The following GPC6 variants were observed in gnomAD, a reference collection of about 807,000 sequenced individuals.
GPC6 encodes the protein glypican-6.
Under a neutral mutation model 55.2 loss-of-function variants are expected in GPC6, and 14 were observed. That is an observed-to-expected ratio of 0.25 (90% CI 0.17 to 0.40). The LOEUF (loss-of-function observed/expected upper bound fraction) is 0.40, where lower values mean the gene tolerates loss of function less well. Ranked by LOEUF, GPC6 falls within the 10% of genes least tolerant of loss-of-function variation. GPC6 has a pLI of 1.00. For synonymous variants in GPC6, 278 were observed against 259.6 expected (o/e 1.07, Z -0.68); for missense variants, 641 against 708.5 (o/e 0.90, Z 1.08).
Position 93,266,547 on chromosome 13 carries a change from T to C in GPC6, c.160+38931T>C, listed in dbSNP as rs1877331588. Among the ~76,000 whole-genome samples the C allele has an allele frequency of 3.3e-5, 5 of 152,220 alleles. 1 individual carries two copies. In the South Asian group the frequency reaches 8.3e-4, roughly 25 times the overall value. On this transcript the variant is annotated intron_variant, in intron 1 of 8. Coordinates refer to ENST00000377047, the MANE Select transcript of GPC6 (RefSeq NM_005708.5). The stretch of plus-strand genomic sequence containing the variant: ...GGAATAAATACTGTTAGGATTCATA[T>C]GGCCAATATTTAATTGCCTCCATAC...
At chr13:94,152,070 C>T (rs1314583831) in intron 4 of GPC6, among the ~76,000 whole-genome samples, 1 of 151,952 alleles carries the variant, frequency 6.6e-6, no homozygotes, top group Non-Finnish European at 1.5e-5. Context: ...TTGGGTGACC[C>T]AAGGTTCTAA....
At chr13:93,996,511 G>A (rs1408107170) in intron 3 of GPC6, among the ~76,000 whole-genome samples, 2 of 151,986 alleles carry the variant, frequency 1.3e-5, no homozygotes, top group Non-Finnish European at 2.9e-5. Flanking sequence ...TGCATGGACC[G>A]GGGAGAATAT....
chr13:93,961,113 C>A (rs1879756097), intron 3 of GPC6, among the ~76,000 whole-genome samples: 1 of 152,124 alleles, frequency 6.6e-6, no homozygotes, highest in African/African-American at 2.4e-5. Flanking sequence ...CGCACTTGGC[C>A]TATTGCTGGA....
intron 1 of GPC6, among the ~76,000 whole-genome samples, chr13:93,415,346 C>T (rs1166929196): frequency 6.6e-6 from 1 of 152,096 alleles, no homozygotes; most frequent in Non-Finnish European, 1.5e-5. Context: ...AAACTTTCTT[C>T]CTTCTTAATG....
intron 4 of GPC6, among the ~76,000 whole-genome samples, chr13:94,168,625 TTTA>T (rs1157174602): frequency 2.7e-5 from 4 of 149,444 alleles, no homozygotes; most frequent in Non-Finnish European, 5.9e-5. Flanking sequence ...AGTATATATA[TTTA>T]TTATATTTTA....
chr13:93,344,519 G>T (rs74755019), intron 1 of GPC6, among the ~76,000 whole-genome samples: 1 of 152,034 alleles, frequency 6.6e-6, no homozygotes, highest in East Asian at 1.9e-4. Context: ...AGGCTACATC[G>T]TTTCTGAGCC....
intron 4 of GPC6, among the ~76,000 whole-genome samples, chr13:94,214,262 C>G (rs1890165717): frequency 6.6e-6 from 1 of 152,314 alleles, no homozygotes; most frequent in African/African-American, 2.4e-5. Context: ...TACAGTTGTA[C>G]TGACTCTCTC....
intron 2 of GPC6, among the ~76,000 whole-genome samples, chr13:93,807,343 G>T (rs1346705270): frequency 6.6e-6 from 1 of 152,208 alleles, no homozygotes; most frequent in African/African-American, 2.4e-5. Flanking sequence ...TCTTTTGGGT[G>T]TTAGAAAATT....
chr13:93,325,765 G>T (rs943188343), intron 1 of GPC6, among the ~76,000 whole-genome samples: 1 of 152,072 alleles, frequency 6.6e-6, no homozygotes, highest in Admixed American at 6.6e-5. Context: ...GAGGGTGTGG[G>T]TGGGAGTGGA....
At chr13:94,168,930 A>T (rs1888464814) in intron 4 of GPC6, among the ~76,000 whole-genome samples, 1 of 152,112 alleles carries the variant, frequency 6.6e-6, no homozygotes, top group South Asian at 2.1e-4. Context: ...AAAATAATGC[A>T]AAGTTAATGC....
At chr13:93,560,214 G>GA (rs1175693959) in intron 2 of GPC6, among the ~76,000 whole-genome samples, 1 of 151,808 alleles carries the variant, frequency 6.6e-6, no homozygotes, top group Non-Finnish European at 1.5e-5. Context: ...TTTAAAAAAG[G>GA]AAAAAAATAA....
At chr13:93,490,059 A>T (rs1469951201) in intron 1 of GPC6, among the ~76,000 whole-genome samples, 2 of 151,266 alleles carry the variant, frequency 1.3e-5, no homozygotes, top group Non-Finnish European at 2.9e-5. Context: ...TTTCAAAGGG[A>T]ATGCTTCCAG....
chr13:94,142,594 T>C (rs1264892425), intron 4 of GPC6, among the ~76,000 whole-genome samples: 1 of 152,182 alleles, frequency 6.6e-6, no homozygotes, highest in Non-Finnish European at 1.5e-5. Flanking sequence ...TTTAGCTAAA[T>C]GTAGCTGAAT....
chr13:94,378,988 T>A (rs1389514928), intron 6 of GPC6, among the ~76,000 whole-genome samples: 1 of 152,160 alleles, frequency 6.6e-6, no homozygotes, highest in Non-Finnish European at 1.5e-5. Context: ...GTAATATATT[T>A]GTACTAAGAG....
intron 4 of GPC6, among the ~76,000 whole-genome samples, chr13:94,252,789 G>C (rs114485639): frequency 3.9e-5 from 6 of 152,060 alleles, no homozygotes; most frequent in Admixed American, 6.6e-5. Flanking sequence ...GATAGGGCAA[G>C]TGTAAATGGA....
chr13:93,222,462 C>T (rs1209019637), upstream of GPC6, among the ~76,000 whole-genome samples: 4 of 152,156 alleles, frequency 2.6e-5, no homozygotes, highest in African/African-American at 9.7e-5. Context: ...TTTCCATATT[C>T]TTTCCACCTA....
chr13:94,119,726 T>G (rs1032251302), intron 4 of GPC6, among the ~76,000 whole-genome samples: 5 of 152,062 alleles, frequency 3.3e-5, no homozygotes, highest in African/African-American at 9.7e-5. Flanking sequence ...CAGAGTGCCT[T>G]GTAGACCTGT....
At chr13:93,340,148 C>T (rs188399292) in intron 1 of GPC6, among the ~76,000 whole-genome samples, 1,711 of 148,976 alleles carry the variant, frequency 0.011, 20 homozygotes, top group Non-Finnish European at 0.017. Context: ...CATTCTCCTG[C>T]CTCAGCCTCC....
At chr13:94,266,730 G>C (rs991098475) in intron 4 of GPC6, among the ~76,000 whole-genome samples, 17 of 152,314 alleles carry the variant, frequency 1.1e-4, no homozygotes, top group African/African-American at 3.6e-4. Flanking sequence ...ATAATTGCAA[G>C]TGTTGCTTGT....
Sources: allele counts gnomAD v4.1 joint callset (sites outside exome capture counted in the v4.1 genomes callset), GRCh38; gene constraint gnomAD v4.1.1; transcripts MANE v1.5; gene names NCBI Gene and HGNC (gene_info 2026-07-23, HGNC 2026-07-21).